The following CNTNAP5 variants were observed in gnomAD, a reference collection of about 807,000 sequenced individuals.
CNTNAP5 encodes the protein contactin associated protein family member 5.
CNTNAP5 carries 72 observed loss-of-function variants against 150.2 expected under a neutral mutation model. The observed-to-expected ratio is 0.48, with a 90% CI of 0.40 to 0.58. The LOEUF (loss-of-function observed/expected upper bound fraction) is 0.58. Among genes scored for constraint, CNTNAP5 ranks in the 20% least tolerant of loss-of-function variants. The probability of loss-of-function intolerance (pLI) is 0.00; values close to 1 mark genes in which losing one functional copy is unlikely to be tolerated. For synonymous variants in CNTNAP5, 672 were observed against 619.8 expected (o/e 1.08, Z -1.25); for missense variants, 1,636 against 1,626.2 (o/e 1.01, Z -0.10).
At chr2:124,418,263 C>T (rs781337966) in intron 4 of CNTNAP5, among the ~76,000 whole-genome samples, 4 of 152,148 alleles carry the variant, frequency 2.6e-5, no homozygotes, top group Non-Finnish European at 5.9e-5. Context: ...TAAGCAGTGA[C>T]ATATTCTGCT....
intron 10 of CNTNAP5, among the ~76,000 whole-genome samples, chr2:124,532,155 A>G (rs964714333): frequency 1.3e-5 from 2 of 152,210 alleles, no homozygotes. Flanking sequence ...GGGGGAGTAG[A>G]GTATGACTGG....
chr2:124,056,387 G>T (rs551351901), intron 1 of CNTNAP5, among the ~76,000 whole-genome samples: 6 of 152,302 alleles, frequency 3.9e-5, no homozygotes, highest in African/African-American at 1.4e-4. Context: ...CACTTTGGGA[G>T]GCCGAGGCGA....
rs777663745 is a variant in CNTNAP5 at position 124,417,427 on chromosome 2, CCTTT to C, written c.382-12_382-9del. 2.5e-6 allele frequency: 4 copies of C among 1,611,424 alleles called. No homozygotes were observed. The Admixed American group carries it at 6.7e-5, about 27-fold the overall frequency. ...TGATAGCACAGACCTCACTGCCTCT[CCTTT>C]CTTCTCTGCAGACCTTTGCAGGAAA... is the stretch of plus-strand genomic sequence containing the variant. On this transcript the variant is annotated splice_polypyrimidine_tract_variant and intron_variant, in intron 3 of 23. Coordinates refer to ENST00000682447, the MANE Select transcript of CNTNAP5 (RefSeq NM_001367498.1).
chr2:124,418,572 T>C (rs1244649936), intron 4 of CNTNAP5, among the ~76,000 whole-genome samples: 1 of 152,184 alleles, frequency 6.6e-6, no homozygotes, highest in Non-Finnish European at 1.5e-5. Context: ...ATAGAGTGTC[T>C]GCTAAAAATA....
At chr2:124,407,573 A>G (rs906834870) in intron 3 of CNTNAP5, among the ~76,000 whole-genome samples, 12 of 152,294 alleles carry the variant, frequency 7.9e-5, no homozygotes, top group Admixed American at 3.9e-4. Flanking sequence ...ACCCTTCTTC[A>G]CAGGGGAAAG....
At chr2:124,797,992 C>T in intron 18 of CNTNAP5, 104 bp from the exon 19 acceptor site, 1 of 744,190 alleles carries the variant, frequency 1.3e-6, no homozygotes, top group Non-Finnish European at 2.3e-6. Context: ...TGTATTACTC[C>T]TCACACAGTG....
At chr2:124,372,994 G>T (rs1690565902) in intron 3 of CNTNAP5, among the ~76,000 whole-genome samples, 1 of 152,026 alleles carries the variant, frequency 6.6e-6, no homozygotes, top group African/African-American at 2.4e-5. Context: ...AAAAGACAAA[G>T]ATGACAAAAA....
At chr2:124,127,197 C>T (rs1224010016) in intron 1 of CNTNAP5, among the ~76,000 whole-genome samples, 1 of 152,152 alleles carries the variant, frequency 6.6e-6, no homozygotes, top group Non-Finnish European at 1.5e-5. Context: ...AGCTGATAAG[C>T]AACTTCAGCA....
intron 19 of CNTNAP5, among the ~76,000 whole-genome samples, chr2:124,845,626 T>C (rs2104697669): frequency 6.6e-6 from 1 of 152,102 alleles, no homozygotes; most frequent in African/African-American, 2.4e-5. Flanking sequence ...GGCCTTTTAT[T>C]TTGGTGGCTA....
intron 13 of CNTNAP5, among the ~76,000 whole-genome samples, chr2:124,691,283 C>T (rs1020127146): frequency 1.3e-5 from 2 of 152,102 alleles, no homozygotes; most frequent in Non-Finnish European, 2.9e-5. Flanking sequence ...TAGGTCAGAT[C>T]ATTTCTTTAT....
chr2:124,243,291 C>G (rs971245324), intron 3 of CNTNAP5, among the ~76,000 whole-genome samples: 6 of 152,184 alleles, frequency 3.9e-5, no homozygotes, highest in African/African-American at 1.2e-4. Flanking sequence ...TTTTCAGATT[C>G]TGTCCTCTTA....
chr2:124,198,869 T>C (rs569244356), intron 1 of CNTNAP5, among the ~76,000 whole-genome samples: 69 of 149,546 alleles, frequency 4.6e-4, no homozygotes, highest in Middle Eastern at 3.4e-3. Context: ...TGATTTCTTT[T>C]TTTTTTTTTT....
At chr2:124,056,617 G>C (rs1681853576) in intron 1 of CNTNAP5, among the ~76,000 whole-genome samples, 1 of 152,148 alleles carries the variant, frequency 6.6e-6, no homozygotes. Context: ...CTGCACTCCA[G>C]CCTGGGTGAC....
At chr2:124,306,224 G>A (rs1028565280) in intron 3 of CNTNAP5, among the ~76,000 whole-genome samples, 2 of 152,116 alleles carry the variant, frequency 1.3e-5, no homozygotes, top group African/African-American at 4.8e-5. Flanking sequence ...CAGCTATGTT[G>A]TTCCTCTCTT....
intron 1 of CNTNAP5, among the ~76,000 whole-genome samples, chr2:124,071,061 A>G (rs1456240487): frequency 6.6e-6 from 1 of 152,032 alleles, no homozygotes; most frequent in Non-Finnish European, 1.5e-5. Context: ...ATACAAACAC[A>G]TGGAAGTAAA....
intron 1 of CNTNAP5, among the ~76,000 whole-genome samples, chr2:124,092,164 C>T (rs1682831118): frequency 6.6e-6 from 1 of 152,052 alleles, no homozygotes; most frequent in Admixed American, 6.6e-5. Flanking sequence ...TACATTATAC[C>T]CATTATACAA....
intron 3 of CNTNAP5, among the ~76,000 whole-genome samples, chr2:124,334,275 G>A (rs959608516): frequency 6.6e-6 from 1 of 152,152 alleles, no homozygotes; most frequent in Non-Finnish European, 1.5e-5. Context: ...GGAGGTAGAA[G>A]CTTTAAGAAA....
At chr2:124,585,663 T>G in intron 11 of CNTNAP5, among the ~76,000 whole-genome samples, 1 of 145,720 alleles carries the variant, frequency 6.9e-6, no homozygotes, top group Non-Finnish European at 1.5e-5. Context: ...CAGGGAGAGC[T>G]TGAAGCTTTT....
chr2:124,599,301 T>G (rs1696923610), intron 11 of CNTNAP5, among the ~76,000 whole-genome samples: 1 of 152,222 alleles, frequency 6.6e-6, no homozygotes, highest in Non-Finnish European at 1.5e-5. Flanking sequence ...TTTTTGTTTT[T>G]CTACTGATTT....
Sources: allele counts gnomAD v4.1 joint callset (sites outside exome capture counted in the v4.1 genomes callset), GRCh38; gene constraint gnomAD v4.1.1; transcripts MANE v1.5; gene names NCBI Gene and HGNC (gene_info 2026-07-23, HGNC 2026-07-21).